Variants in APBA2 observed in about 807,000 individuals in gnomAD.
The protein encoded by APBA2 is amyloid-beta A4 precursor protein-binding family A member 2.
APBA2 carries 30 observed loss-of-function variants against 75.0 expected under a neutral mutation model. That is an observed-to-expected ratio of 0.40 (90% CI 0.30 to 0.54). The LOEUF is 0.54. APBA2 is among the 20% of genes least tolerant of loss of function. The pLI, the probability that APBA2 is intolerant of heterozygous loss-of-function variation, is 0.49. For missense variants in APBA2, 801 were observed against 1,016.1 expected (o/e 0.79, Z 2.88); for synonymous variants, 444 against 409.6 (o/e 1.08, Z -1.01).
intron 3 of APBA2, among the ~76,000 whole-genome samples, chr15:29,002,901 T>C (rs2038922372): frequency 6.6e-6 from 1 of 151,984 alleles, no homozygotes; most frequent in Non-Finnish European, 1.5e-5. Context: ...TGAGGGTTGA[T>C]CTTTCATCTC....
At chr15:29,000,444 G>A (rs2152800839) in intron 3 of APBA2, among the ~76,000 whole-genome samples, 1 of 152,248 alleles carries the variant, frequency 6.6e-6, no homozygotes, top group Admixed American at 6.5e-5. Flanking sequence ...CTGGATGTAG[G>A]CACACGGACC....
At chr15:28,915,814 C>T (rs2033665002) in intron 1 of APBA2, among the ~76,000 whole-genome samples, 2 of 151,000 alleles carry the variant, frequency 1.3e-5, no homozygotes, top group African/African-American at 4.9e-5. Context: ...TCACATCACA[C>T]ACACCACATA....
intron 2 of APBA2, among the ~76,000 whole-genome samples, chr15:28,971,317 G>A (rs964585528): frequency 6.6e-6 from 1 of 152,074 alleles, no homozygotes; most frequent in African/African-American, 2.4e-5. Context: ...TTAATCAGGA[G>A]GAAAATATAG....
At chr15:29,025,466 A>G (rs1262729371) in intron 3 of APBA2, among the ~76,000 whole-genome samples, 1 of 135,492 alleles carries the variant, frequency 7.4e-6, no homozygotes, top group Non-Finnish European at 1.5e-5. Flanking sequence ...ACAGGTTTTC[A>G]CCGTGTTAGC....
chr15:28,900,655 CGGG>C (rs553263890), intron 1 of APBA2, among the ~76,000 whole-genome samples: 171 of 152,216 alleles, frequency 1.1e-3, no homozygotes, highest in African/African-American at 4.1e-3. Context: ...GATAAGCTGT[CGGG>C]GGCCGCTTCC....
At position 29,074,911 on chromosome 15, in the gene APBA2, C is replaced by G. The variant is rs2042781368; in HGVS notation, c.952-10C>G. On this transcript the variant is annotated splice_polypyrimidine_tract_variant and intron_variant, in intron 4 of 14. Transcript: ENST00000683413. ...TATAAAATCACGATCTTTAACTTCC[C>G]CGTTTCCAGGTTTGCAATGGTCTGG... The G allele has an allele frequency of 1.9e-6, 3 of 1,613,828 alleles. No homozygotes were observed. The highest frequency in any genetic ancestry group is 1.7e-5 in the Admixed American group (1 of 60,026).
chr15:28,966,957 C>T (rs2036771188), intron 2 of APBA2, among the ~76,000 whole-genome samples: 3 of 152,142 alleles, frequency 2.0e-5, no homozygotes, highest in African/African-American at 7.2e-5. Flanking sequence ...CCTCCGTATC[C>T]ACTGAGTACC....
chr15:29,064,496 C>T (rs1183016654), intron 4 of APBA2, among the ~76,000 whole-genome samples: 1 of 152,184 alleles, frequency 6.6e-6, no homozygotes, highest in Non-Finnish European at 1.5e-5. Flanking sequence ...GGCCAGGCTC[C>T]AGACGAGTTC....
intron 2 of APBA2, among the ~76,000 whole-genome samples, chr15:28,969,128 T>TTTTCTTTTC (rs1555383717): frequency 9.5e-5 from 13 of 137,138 alleles, no homozygotes; most frequent in African/African-American, 3.3e-4. Flanking sequence ...TTTCATTTCT[T>TTTTCTTTTC]TTTCTTTCTT....
chr15:28,932,707 G>T (rs1371013922), intron 2 of APBA2, among the ~76,000 whole-genome samples: 2 of 152,192 alleles, frequency 1.3e-5, no homozygotes, highest in Non-Finnish European at 2.9e-5. Flanking sequence ...AGGTCCCATC[G>T]TGGCTCCTGA....
intron 6 of APBA2, among the ~76,000 whole-genome samples, chr15:29,087,136 C>G (rs1006913221): frequency 6.6e-6 from 1 of 152,114 alleles, no homozygotes; most frequent in Non-Finnish European, 1.5e-5. Flanking sequence ...CTGCAGAACT[C>G]CACTGTGTGG....
rs2152589679 is a variant in APBA2 at position 28,886,174 on chromosome 15, T to G, written c.-309T>G. On this transcript the variant is annotated 5_prime_UTR_variant, in exon 1 of 15. Transcript: ENST00000683413. ...TTCCCGGGCTCATTAGCAGTCGCGGTGTGCGGCTCGGCGCGGGCTCACAAA... is the reference window on the plus strand; with the variant it reads ...TTCCCGGGCTCATTAGCAGTCGCGGGGTGCGGCTCGGCGCGGGCTCACAAA... 1 of 150,776 alleles carries G rather than the reference T, an allele frequency of 6.6e-6. No homozygotes were observed. Among genetic ancestry groups the G allele is most frequent in the East Asian group, 2.0e-4 (1 of 5,116 alleles). 9.3% of individuals were successfully genotyped at this position (150,776 alleles called of 1,614,324 possible).
chr15:29,007,863 G>T (rs1209437343), intron 3 of APBA2, among the ~76,000 whole-genome samples: 1 of 152,176 alleles, frequency 6.6e-6, no homozygotes, highest in Non-Finnish European at 1.5e-5. Flanking sequence ...ATCTAGGCGT[G>T]GTTTCACTTC....
chr15:29,091,836 G>A (rs1261500291), intron 6 of APBA2, among the ~76,000 whole-genome samples: 10 of 152,176 alleles, frequency 6.6e-5, no homozygotes, highest in East Asian at 5.8e-4. Context: ...TTGCTGGCGC[G>A]AGGGCTGGGG....
At chr15:29,060,247 A>G (rs1356119732) in intron 4 of APBA2, among the ~76,000 whole-genome samples, 1 of 152,182 alleles carries the variant, frequency 6.6e-6, no homozygotes, top group Admixed American at 6.5e-5. Flanking sequence ...TGCCAGCACC[A>G]TGTTAGGGGT....
At chr15:29,045,052 T>TCTCC (rs1222684722) in intron 3 of APBA2, among the ~76,000 whole-genome samples, 1 of 145,466 alleles carries the variant, frequency 6.9e-6, no homozygotes, top group Non-Finnish European at 1.5e-5. Flanking sequence ...TTCCTTCCTC[T>TCTCC]CTCCCTCCCT....
chr15:28,908,334 A>G (rs1469833874), intron 1 of APBA2, among the ~76,000 whole-genome samples: 3 of 130,990 alleles, frequency 2.3e-5, no homozygotes, highest in Admixed American at 1.4e-4. Context: ...TTTTTGAGAC[A>G]GAGTCTTGCT....
intron 1 of APBA2, among the ~76,000 whole-genome samples, chr15:28,892,659 A>G (rs1008897185): frequency 8.1e-5 from 12 of 147,642 alleles, no homozygotes; most frequent in African/African-American, 2.0e-4. Flanking sequence ...GTGTGTGTGT[A>G]TGTGTACGTA....
At chr15:28,944,745 G>A (rs1057128887) in intron 2 of APBA2, among the ~76,000 whole-genome samples, 14 of 152,246 alleles carry the variant, frequency 9.2e-5, no homozygotes, top group Admixed American at 5.2e-4. Context: ...TCAGACTTCA[G>A]TGTGAAAAAG....
Sources: allele counts gnomAD v4.1 joint callset (sites outside exome capture counted in the v4.1 genomes callset), GRCh38; gene constraint gnomAD v4.1.1; transcripts MANE v1.5; gene names NCBI Gene and HGNC (gene_info 2026-07-23, HGNC 2026-07-21).